Variants in ADARB2 observed in about 807,000 individuals in gnomAD.
The protein encoded by ADARB2 is adenosine deaminase RNA specific B2 (inactive).
A neutral mutation model predicts 62.2 loss-of-function variants in ADARB2; 25 were observed. The observed-to-expected ratio is 0.40, with a 90% confidence interval of 0.29 to 0.56. The LOEUF is 0.56. Ranked by LOEUF, ADARB2 falls within the 20% of genes least tolerant of loss-of-function variation. The pLI is 0.43. For missense variants in ADARB2, 1,071 were observed against 1,077.4 expected, an observed-to-expected ratio of 0.99 and a Z score of 0.08; for synonymous variants, 572 against 500.8, an observed-to-expected ratio of 1.14 and a Z score of -1.90.
At chr10:1,331,712 G>A (rs1235416196) in intron 3 of ADARB2, among the ~76,000 whole-genome samples, 1 of 152,194 alleles carries the variant, frequency 6.6e-6, no homozygotes, top group African/African-American at 2.4e-5. Context: ...ACTTTAAAGG[G>A]TGATTTTTAT....
At position 1,561,239 on chromosome 10, in the gene ADARB2, C is replaced by T. The variant is rs970049157; in HGVS notation, c.100+175812G>A. On this transcript the variant is annotated intron_variant, in intron 1 of 9. Transcript: ENST00000381312. ...CACTGGCAGCCCCTCTCTCTCCAGA[C>T]CTGCCCAGCTCTGAGTGTGTAATTG... 2.6e-5 allele frequency among the ~76,000 whole-genome samples: 4 copies of T among 152,182 alleles called. No individual in the cohort carries two copies. The East Asian group carries it at 7.7e-4, about 29-fold the overall frequency.
chr10:1,489,700 A>G (rs917412514), intron 1 of ADARB2, among the ~76,000 whole-genome samples: 5 of 152,308 alleles, frequency 3.3e-5, no homozygotes, highest in South Asian at 2.1e-4. Context: ...GGTAAGACGA[A>G]CTCTGAACTT....
In ADARB2 at chr10:1,340,882, C is replaced by T. The variant is rs1404872877; in HGVS notation, c.1077+22146G>A. Among the ~76,000 whole-genome samples, 16 of 150,928 alleles carry T rather than the reference C, an allele frequency of 1.1e-4. 1 individual carries two copies. Among genetic ancestry groups the T allele is most frequent in the South Asian group, 4.2e-4 (2 of 4,764 alleles). On this transcript the variant is annotated intron_variant, in intron 3 of 9. Transcript: ENST00000381312. ...ATAACCAGCATCCACCAGAGAACCACGCGCCCCACAGCGGCAATAACCAGC... is the reference window on the plus strand; with the variant it reads ...ATAACCAGCATCCACCAGAGAACCATGCGCCCCACAGCGGCAATAACCAGC...
chr10:1,358,288 T>G (rs981126918), intron 3 of ADARB2, among the ~76,000 whole-genome samples: 1 of 152,200 alleles, frequency 6.6e-6, no homozygotes, highest in African/African-American at 2.4e-5. Context: ...CAGCTGGGGA[T>G]GCAAAGCCAT....
intron 3 of ADARB2, among the ~76,000 whole-genome samples, chr10:1,277,258 G>C (rs1564244341): frequency 6.6e-6 from 1 of 152,152 alleles, no homozygotes. Flanking sequence ...ACTAAGATCA[G>C]AGCAGAACTG....
At chr10:1,659,506 G>A (rs1367231960) in intron 1 of ADARB2, among the ~76,000 whole-genome samples, 5 of 152,250 alleles carry the variant, frequency 3.3e-5, no homozygotes, top group African/African-American at 1.2e-4. Flanking sequence ...TCCCTGGAAG[G>A]AGCCTGGAGC....
At chr10:1,712,279 C>A (rs1018084778) in intron 1 of ADARB2, among the ~76,000 whole-genome samples, 2 of 152,134 alleles carry the variant, frequency 1.3e-5, no homozygotes, top group African/African-American at 4.8e-5. Context: ...TTTATACAAC[C>A]TAGCCTAGCA....
intron 1 of ADARB2, among the ~76,000 whole-genome samples, chr10:1,472,361 T>G (rs1278769415): frequency 6.6e-6 from 1 of 150,584 alleles, no homozygotes; most frequent in African/African-American, 2.5e-5. Flanking sequence ...ACGAGCTCTG[T>G]GCCATAGGGG....
chr10:1,658,278 GTC>G (rs756266989), intron 1 of ADARB2, among the ~76,000 whole-genome samples: 2 of 147,640 alleles, frequency 1.4e-5, no homozygotes, highest in Non-Finnish European at 1.5e-5. Flanking sequence ...GTTTTTCTCT[GTC>G]TCTCTCTCTA....
intron 1 of ADARB2, among the ~76,000 whole-genome samples, chr10:1,554,838 C>T (rs1832677219): frequency 6.6e-6 from 1 of 152,130 alleles, no homozygotes; most frequent in African/African-American, 2.4e-5. Context: ...TGAACGATCT[C>T]GTGCCCCAGG....
chr10:1,675,884 G>T, intron 1 of ADARB2: 1 of 748,516 alleles, frequency 1.3e-6, no homozygotes, highest in Non-Finnish European at 1.6e-6. Context: ...TCAGCTCTGA[G>T]TGGCAGCTCA....
intron 1 of ADARB2, among the ~76,000 whole-genome samples, chr10:1,618,188 C>T (rs1255070908): frequency 6.6e-6 from 1 of 152,146 alleles, no homozygotes; most frequent in Non-Finnish European, 1.5e-5. Context: ...CAGAATTGCT[C>T]TGTAAATTAG....
intron 2 of ADARB2, among the ~76,000 whole-genome samples, chr10:1,364,942 G>A (rs1053271366): frequency 2.7e-5 from 4 of 149,442 alleles, no homozygotes; most frequent in African/African-American, 9.9e-5. Flanking sequence ...GCGCGATCTT[G>A]GCCCACTGCA....
Position 1,200,013 on chromosome 10 carries a change from A to G in ADARB2, c.1817T>C (p.Val606Ala), listed in dbSNP as rs1275356030. The change falls in exon 8 of 10, where the codon GTC (valine) becomes GCC (alanine). Residue 606 changes from valine to alanine, a missense_variant. Physicochemically the swap from Val to Ala is moderately conservative, Grantham distance 64 (BLOSUM62 0). Transcript: ENST00000381312. ...ARVMSHRMEG[V>A]GQLPASYRHN... Reference sequence around the variant, plus strand: ...CCGGTAGGAGGCGGGCAGCTGGCCGACACCCTCCATGCGGTGGCTCATGAC... The same window carrying G: ...CCGGTAGGAGGCGGGCAGCTGGCCGGCACCCTCCATGCGGTGGCTCATGAC... 2 of 1,581,770 alleles carry G rather than the reference A, an allele frequency of 1.3e-6. No individual in the cohort carries two copies.
At chr10:1,227,569 C>G (rs889794740) in intron 6 of ADARB2, among the ~76,000 whole-genome samples, 5 of 152,162 alleles carry the variant, frequency 3.3e-5, no homozygotes, top group Admixed American at 3.3e-4. Flanking sequence ...ATCCTCATTT[C>G]TAAATGAGGA....
At chr10:1,659,829 G>A (rs28678174) in intron 1 of ADARB2, among the ~76,000 whole-genome samples, 117 of 118,994 alleles carry the variant, frequency 9.8e-4, no homozygotes, top group East Asian at 2.9e-3. Context: ...CTGCCTGGGC[G>A]ACCCATCATG....
At chr10:1,659,382 G>A (rs1834214115) in intron 1 of ADARB2, among the ~76,000 whole-genome samples, 1 of 152,288 alleles carries the variant, frequency 6.6e-6, no homozygotes, top group East Asian at 1.9e-4. Flanking sequence ...CCGGAGCCAG[G>A]CACAGGGACA....
intron 1 of ADARB2, among the ~76,000 whole-genome samples, chr10:1,629,595 A>G (rs1034454042): frequency 2.4e-5 from 3 of 123,500 alleles, no homozygotes; most frequent in Admixed American, 2.0e-4. Context: ...AGGTCGTCAC[A>G]AAGGCCGGGT....
At chr10:1,199,159 C>G (rs902408106) in intron 8 of ADARB2, among the ~76,000 whole-genome samples, 1 of 152,162 alleles carries the variant, frequency 6.6e-6, no homozygotes, top group South Asian at 2.1e-4. Flanking sequence ...GAGGCTGACT[C>G]AAAGACCTGG....
Sources: gnomAD v4.1 joint callset for allele counts (sites outside exome capture counted in the v4.1 genomes callset) on GRCh38, gnomAD v4.1.1 for gene constraint, MANE v1.5 for transcripts, NCBI Gene and HGNC (gene_info 2026-07-23, HGNC 2026-07-21) for gene names.